The following TBC1D5 variants were observed in gnomAD, a reference collection of about 807,000 sequenced individuals.
The protein encoded by TBC1D5 is TBC1 domain family member 5.
TBC1D5 carries 75 observed loss-of-function variants against 100.3 expected under a neutral mutation model. The observed-to-expected ratio is 0.75, with a 90% confidence interval of 0.62 to 0.91. The LOEUF (loss-of-function observed/expected upper bound fraction) is 0.91. Among genes scored for constraint, TBC1D5 ranks in the 40% least tolerant of loss-of-function variants. TBC1D5 has a pLI of 0.00. For missense variants in TBC1D5, 910 were observed against 942.4 expected, an observed-to-expected ratio of 0.97 and a Z score of 0.45; for synonymous variants, 323 against 325.6, an observed-to-expected ratio of 0.99 and a Z score of 0.09.
intron 1 of TBC1D5, among the ~76,000 whole-genome samples, chr3:17,640,931 G>T (rs1362029771): frequency 6.7e-6 from 1 of 150,136 alleles, no homozygotes; most frequent in Non-Finnish European, 1.5e-5. Context: ...ATTCTTCCAG[G>T]AAATACAAAA....
At chr3:17,740,525 GA>G (rs1274232129) in exon 1 of TBC1D5, 3 of 151,948 alleles carry the variant, frequency 2.0e-5, no homozygotes, top group East Asian at 3.8e-4. Flanking sequence ...TAAATAAAAA[GA>G]AAAAAATTAA....
chr3:17,720,648 A>G (rs1026233287), intron 1 of TBC1D5, among the ~76,000 whole-genome samples: 4 of 152,020 alleles, frequency 2.6e-5, no homozygotes, highest in African/African-American at 9.7e-5. Flanking sequence ...CCTCTAAAAC[A>G]AATTTTTTTT....
chr3:17,739,418 G>A (rs1406498742), exon 1 of TBC1D5: 5 of 151,912 alleles, frequency 3.3e-5, no homozygotes, highest in Admixed American at 1.3e-4. Flanking sequence ...TTTCTGTATC[G>A]TCCTCATTGG....
chr3:17,404,847 T>A, intron 6 of TBC1D5, 25 bp downstream of exon 6: 1 of 1,551,232 alleles, frequency 6.4e-7, no homozygotes, highest in South Asian at 1.2e-5. Context: ...AACAATTACA[T>A]TAATTAAATA....
intron 1 of TBC1D5, among the ~76,000 whole-genome samples, chr3:17,688,094 T>C (rs2070575158): frequency 6.6e-6 from 1 of 152,200 alleles, no homozygotes; most frequent in Admixed American, 6.5e-5. Context: ...TCGAATGCTA[T>C]GATTTCACTA....
At position 17,381,909 on chromosome 3, in the gene TBC1D5, C is replaced by T. The variant is rs183107033; in HGVS notation, c.612+2004G>A. 3.4e-3 allele frequency among the ~76,000 whole-genome samples: 523 copies of T among 152,056 alleles called. 3 individuals carry two copies. The highest frequency in any genetic ancestry group is 0.012 in the African/African-American group (495 of 41,510). ...TCCAGACGGAAATCCACATATAGCA[C>T]GTCAATATCCTTTTCTTTATTTTAC... On this transcript the variant is annotated intron_variant, in intron 9 of 21. Coordinates refer to ENST00000253692, the Ensembl canonical transcript of TBC1D5.
At chr3:17,386,921 A>T (rs981676635) in intron 8 of TBC1D5, among the ~76,000 whole-genome samples, 1 of 152,148 alleles carries the variant, frequency 6.6e-6, no homozygotes, top group Admixed American at 6.6e-5. Context: ...AATTGCAAGT[A>T]GTAATTTAAA....
At chr3:17,187,467 G>T (rs1184347021) in intron 18 of TBC1D5, among the ~76,000 whole-genome samples, 1 of 152,152 alleles carries the variant, frequency 6.6e-6, no homozygotes, top group African/African-American at 2.4e-5. Flanking sequence ...GGACTTTTCA[G>T]CCCAAGCCAG....
chr3:17,618,523 G>A (rs1424364403), intron 2 of TBC1D5, among the ~76,000 whole-genome samples: 1 of 152,226 alleles, frequency 6.6e-6, no homozygotes, highest in African/African-American at 2.4e-5. Flanking sequence ...GTCTATAGAG[G>A]CAATAGAACT....
intron 1 of TBC1D5, among the ~76,000 whole-genome samples, chr3:17,672,193 T>C (rs192126011): frequency 6.6e-6 from 1 of 152,200 alleles, no homozygotes. Context: ...CATGATTTTT[T>C]GCAAAATATA....
chr3:17,344,421 A>G (rs970478479), intron 13 of TBC1D5, among the ~76,000 whole-genome samples: 34 of 152,038 alleles, frequency 2.2e-4, no homozygotes, highest in Non-Finnish European at 7.4e-5. Flanking sequence ...AAAAGAGGAT[A>G]CAAACAAATG....
chr3:17,306,686 CATA>C, intron 14 of TBC1D5, among the ~76,000 whole-genome samples: 1 of 152,172 alleles, frequency 6.6e-6, no homozygotes, highest in East Asian at 1.9e-4. Context: ...TACAGAAAAT[CATA>C]ATACTTTTCA....
intron 14 of TBC1D5, among the ~76,000 whole-genome samples, chr3:17,297,588 AT>A (rs2082387712): frequency 7.0e-6 from 1 of 143,168 alleles, no homozygotes; most frequent in African/African-American, 2.6e-5. Flanking sequence ...AAAAAAAAAA[AT>A]TTCTTTTTTG....
At chr3:17,704,680 C>T (rs1401535372) in intron 1 of TBC1D5, among the ~76,000 whole-genome samples, 1 of 65,728 alleles carries the variant, frequency 1.5e-5, no homozygotes, top group South Asian at 8.7e-4. Flanking sequence ...CCGGACGGGG[C>T]GGCTGGCCGG....
chr3:17,602,373 T>G (rs929817744), intron 2 of TBC1D5, among the ~76,000 whole-genome samples: 3 of 152,092 alleles, frequency 2.0e-5, no homozygotes, highest in African/African-American at 7.2e-5. Context: ...TCCTCTGACT[T>G]ATCTTCACTC....
chr3:17,365,582 T>A (rs1324217247), intron 13 of TBC1D5, among the ~76,000 whole-genome samples: 4 of 152,196 alleles, frequency 2.6e-5, no homozygotes, highest in African/African-American at 9.6e-5. Flanking sequence ...TGGGGGCACA[T>A]CCTGTGTGAA....
chr3:17,384,697 A>T (rs2093081575), intron 8 of TBC1D5, among the ~76,000 whole-genome samples: 1 of 152,094 alleles, frequency 6.6e-6, no homozygotes, highest in Admixed American at 6.6e-5. Context: ...GGTAATCAAA[A>T]CAGAAAGAAA....
chr3:17,306,568 A>T (rs2083420620), intron 14 of TBC1D5, among the ~76,000 whole-genome samples: 1 of 152,222 alleles, frequency 6.6e-6, no homozygotes, highest in South Asian at 2.1e-4. Flanking sequence ...CATGTTTTAT[A>T]AAATGATAAA....
At chr3:17,625,850 T>A (rs928696010) in intron 1 of TBC1D5, among the ~76,000 whole-genome samples, 1 of 152,118 alleles carries the variant, frequency 6.6e-6, no homozygotes, top group African/African-American at 2.4e-5. Flanking sequence ...ATAGCTTTAG[T>A]ATATTAACTA....
Sources: gnomAD v4.1 joint callset for allele counts (sites outside exome capture counted in the v4.1 genomes callset) on GRCh38, gnomAD v4.1.1 for gene constraint, MANE v1.5 for transcripts, NCBI Gene and HGNC (gene_info 2026-07-23, HGNC 2026-07-21) for gene names.